ERC2: variants seen among roughly 807,000 people sequenced by gnomAD.
The protein encoded by ERC2 is ELKS/RAB6-interacting/CAST family member 2.
In ERC2, 42 loss-of-function variants were observed where a neutral mutation model predicts 114.8. The ratio of observed to expected loss-of-function variants is 0.37; its 90% CI spans 0.29 to 0.47. The LOEUF (loss-of-function observed/expected upper bound fraction) is 0.47, where lower values mean the gene tolerates loss of function less well. ERC2 is among the 20% of genes least tolerant of loss of function. The probability of loss-of-function intolerance (pLI) is 0.99; values close to 1 mark genes in which losing one functional copy is unlikely to be tolerated. For missense variants in ERC2, 939 were observed against 1,150.7 expected (o/e 0.82, Z 2.66); for synonymous variants, 454 against 425.5 (o/e 1.07, Z -0.82).
At chr3:55,566,111 C>T (rs2056355675) in intron 17 of ERC2, among the ~76,000 whole-genome samples, 1 of 152,168 alleles carries the variant, frequency 6.6e-6, no homozygotes, top group Non-Finnish European at 1.5e-5. Context: ...CATTGAACTT[C>T]CTATGGTATA....
intron 2 of ERC2, among the ~76,000 whole-genome samples, chr3:56,411,237 AAAAATT>A (rs1337688818): frequency 6.6e-6 from 1 of 151,532 alleles, no homozygotes; most frequent in Non-Finnish European, 1.5e-5. Context: ...AATCTCTCAT[AAAAATT>A]ATCTGTAAAT....
chr3:55,569,121 T>TCAAGGAAATAGCTTGC (rs2056552943), intron 17 of ERC2, among the ~76,000 whole-genome samples: 1 of 152,144 alleles, frequency 6.6e-6, no homozygotes, highest in South Asian at 2.1e-4. Context: ...GGCTGCACAT[T>TCAAGGAAATAGCTTGC]ACCTTTGAAC....
chr3:56,142,772 T>C (rs1479513370), intron 5 of ERC2, among the ~76,000 whole-genome samples: 1 of 152,240 alleles, frequency 6.6e-6, no homozygotes, highest in South Asian at 2.1e-4. Context: ...CTGGCTGTCA[T>C]TTATGGTGGC....
chr3:56,318,471 C>T (rs543229429), intron 2 of ERC2, among the ~76,000 whole-genome samples: 11 of 152,168 alleles, frequency 7.2e-5, no homozygotes, highest in African/African-American at 2.6e-4. Context: ...GCCACTGCAA[C>T]CAGCCTGTTT....
rs367911784 is a variant in ERC2, at chr3:56,295,999, A to C, written c.1074+20T>G. On this transcript the variant is annotated intron_variant, in intron 3 of 17. Coordinates refer to ENST00000288221, the MANE Select transcript of ERC2 (RefSeq NM_015576.3). ...CACTTATAAATTAAGGCTTTGGGGA[A>C]ATACAGTGAATGCTCTTACCTCTCT... is the stretch of plus-strand genomic sequence containing the variant. 6.5e-7 allele frequency: 1 copy of C among 1,537,214 alleles called. No individual in the cohort carries two copies. Among genetic ancestry groups the C allele is most frequent in the African/African-American group, 1.4e-5 (1 of 72,102 alleles).
At chr3:56,333,178 T>C (rs1377708541) in intron 2 of ERC2, among the ~76,000 whole-genome samples, 1 of 152,226 alleles carries the variant, frequency 6.6e-6, no homozygotes, top group Non-Finnish European at 1.5e-5. Flanking sequence ...CTCTCTCCTA[T>C]ACAGCTGGTA....
chr3:56,097,540 C>T (rs2078129779), intron 6 of ERC2, among the ~76,000 whole-genome samples: 1 of 152,036 alleles, frequency 6.6e-6, no homozygotes, highest in Non-Finnish European at 1.5e-5. Context: ...AGCATTGAGT[C>T]AACAATATTC....
rs3076645 is a variant in ERC2, at chr3:56,011,606, AACACACACAC to A, written c.1780-1027_1780-1018del. Among the ~76,000 whole-genome samples, 101 of 148,596 alleles carry A rather than the reference AACACACACAC, an allele frequency of 6.8e-4. 2 individuals are homozygous for A. Among genetic ancestry groups the A allele is most frequent in the Admixed American group, 6.6e-3 (98 of 14,840 alleles). On this transcript the variant is annotated intron_variant, in intron 8 of 17. Transcript: ENST00000288221. ...GCCTGATATCAAAGTAAGAAACTTAAACACACACACACACACACACACACACACACATGCA... is the reference window on the plus strand; with the variant it reads ...GCCTGATATCAAAGTAAGAAACTTAAACACACACACACACACACACATGCA...
intron 6 of ERC2, among the ~76,000 whole-genome samples, chr3:56,127,155 G>A (rs955020758): frequency 7.9e-5 from 12 of 152,110 alleles, no homozygotes; most frequent in African/African-American, 2.9e-4. Flanking sequence ...ATAAAACATT[G>A]CTGAAAGAAA....
chr3:55,570,243 G>A (rs946195953), intron 17 of ERC2, among the ~76,000 whole-genome samples: 9 of 152,008 alleles, frequency 5.9e-5, no homozygotes, highest in Non-Finnish European at 5.9e-5. Context: ...TCAATTTCAT[G>A]CTCCAAAATT....
At chr3:56,454,227 A>G (rs2062954622) in intron 1 of ERC2, among the ~76,000 whole-genome samples, 1 of 152,226 alleles carries the variant, frequency 6.6e-6, no homozygotes, top group African/African-American at 2.4e-5. Flanking sequence ...AGTTTAAAGC[A>G]TGGGCTCTGA....
At chr3:55,989,283 A>G (rs2070872823) in intron 11 of ERC2, among the ~76,000 whole-genome samples, 1 of 152,262 alleles carries the variant, frequency 6.6e-6, no homozygotes, top group Non-Finnish European at 1.5e-5. Context: ...TTGAAGAAAT[A>G]AAAATCTGAA....
At chr3:55,797,343 T>C (rs186614157) in intron 14 of ERC2, among the ~76,000 whole-genome samples, 1 of 152,314 alleles carries the variant, frequency 6.6e-6, no homozygotes, top group Non-Finnish European at 1.5e-5. Flanking sequence ...TGGTCATTTG[T>C]ACAACCGAGA....
intron 14 of ERC2, among the ~76,000 whole-genome samples, chr3:55,760,130 C>T (rs2067330244): frequency 6.6e-6 from 1 of 152,152 alleles, no homozygotes; most frequent in South Asian, 2.1e-4. Context: ...AAATTCACAG[C>T]ACGGACAGAG....
At chr3:55,895,965 C>A (rs2063824150) in intron 13 of ERC2, among the ~76,000 whole-genome samples, 1 of 152,184 alleles carries the variant, frequency 6.6e-6, no homozygotes, top group East Asian at 1.9e-4. Flanking sequence ...TTCGCTGCCA[C>A]CCCAGCAGCC....
intron 17 of ERC2, among the ~76,000 whole-genome samples, chr3:55,673,493 G>C (rs547799761): frequency 6.6e-6 from 1 of 152,142 alleles, no homozygotes; most frequent in East Asian, 1.9e-4. Flanking sequence ...TGAGGCAGGA[G>C]AATCACTTGA....
At chr3:56,077,983 A>G (rs191715744) in intron 7 of ERC2, among the ~76,000 whole-genome samples, 21 of 152,048 alleles carry the variant, frequency 1.4e-4, no homozygotes, top group African/African-American at 5.1e-4. Context: ...CAAGTTCAAT[A>G]AATGTAAGCT....
intron 5 of ERC2, among the ~76,000 whole-genome samples, chr3:56,140,785 G>A (rs1339393021): frequency 6.6e-6 from 1 of 152,018 alleles, no homozygotes; most frequent in Non-Finnish European, 1.5e-5. Flanking sequence ...CAGCACTTTG[G>A]GAGGCCAAGG....
chr3:55,745,980 T>G (rs2066274740), intron 14 of ERC2, among the ~76,000 whole-genome samples: 1 of 152,252 alleles, frequency 6.6e-6, no homozygotes, highest in Non-Finnish European at 1.5e-5. Flanking sequence ...TATTTCTCAG[T>G]CTTTGCACAG....
Sources: allele counts gnomAD v4.1 joint callset (sites outside exome capture counted in the v4.1 genomes callset), GRCh38; gene constraint gnomAD v4.1.1; transcripts MANE v1.5; gene names NCBI Gene and HGNC (gene_info 2026-07-23, HGNC 2026-07-21).